KAZN: variants seen among roughly 807,000 people sequenced by gnomAD.
KAZN encodes kazrin, periplakin interacting protein.
Under a neutral mutation model 87.4 loss-of-function variants are expected in KAZN, and 40 were observed. The ratio of observed to expected loss-of-function variants is 0.46; its 90% CI spans 0.36 to 0.60. The LOEUF is 0.60. KAZN is among the 20% of genes least tolerant of loss of function. The pLI, the probability that KAZN is intolerant of heterozygous loss-of-function variation, is 0.00. For missense variants in KAZN, 898 were observed against 1,073.9 expected, an observed-to-expected ratio of 0.84 and a Z score of 2.29; for synonymous variants, 466 against 458.3, an observed-to-expected ratio of 1.02 and a Z score of -0.22.
At chr1:14,629,877 A>T (rs1476233931) in intron 1 of KAZN, among the ~76,000 whole-genome samples, 1 of 152,178 alleles carries the variant, frequency 6.6e-6, no homozygotes, top group Non-Finnish European at 1.5e-5. Context: ...AAAACCCGGC[A>T]GCCTGCTGGT....
At position 15,066,010 on chromosome 1, in the gene KAZN, C is replaced by T. The variant is rs1639199121; in HGVS notation, c.1222+257C>T. 18 of 1,309,560 alleles carry T rather than the reference C, an allele frequency of 1.4e-5. No homozygotes were observed. Among genetic ancestry groups the T allele is most frequent in the Non-Finnish European group, 1.6e-5 (17 of 1,032,308 alleles). The allele number at this position is 1,309,560 out of a possible 1,614,324, so 81.1% of individuals were successfully genotyped here. ...CGTCGCCACCTCTGTAATTGATGTA[C>T]ATACCGCAAACCGTGTGTGAACCTG... is the stretch of plus-strand genomic sequence containing the variant. On this transcript the variant is annotated intron_variant, in intron 8 of 14. Coordinates refer to ENST00000376030, the MANE Select transcript of KAZN (RefSeq NM_201628.3). This position sits in a 1 kb window ranked among gnomAD's most constrained non-coding sequence, Gnocchi z 4.3.
chr1:14,681,167 C>G (rs753482940), intron 1 of KAZN, among the ~76,000 whole-genome samples: 1 of 152,206 alleles, frequency 6.6e-6, no homozygotes, highest in Non-Finnish European at 1.5e-5. Context: ...TCCCACCAGG[C>G]CCCACTTCCA....
intron 1 of KAZN, among the ~76,000 whole-genome samples, chr1:14,070,759 A>C (rs1474711500): frequency 6.6e-6 from 1 of 152,222 alleles, no homozygotes; most frequent in Non-Finnish European, 1.5e-5. Context: ...CCATCTTCCC[A>C]GAGCTGCCAG....
chr1:14,109,576 G>C (rs916847681), intron 1 of KAZN, among the ~76,000 whole-genome samples: 6 of 152,116 alleles, frequency 3.9e-5, no homozygotes, highest in African/African-American at 1.4e-4. Context: ...TGTCCTTTCT[G>C]CTATGTCAAG....
intron 1 of KAZN, among the ~76,000 whole-genome samples, chr1:14,752,174 A>C (rs1347979750): frequency 6.6e-6 from 1 of 152,194 alleles, no homozygotes; most frequent in Non-Finnish European, 1.5e-5. Context: ...CTATTCATGA[A>C]GAATCTGCCC....
chr1:14,482,741 G>A (rs1669149127), intron 2 of KAZN, among the ~76,000 whole-genome samples: 1 of 152,052 alleles, frequency 6.6e-6, no homozygotes, highest in African/African-American at 2.4e-5. Flanking sequence ...CCAGCATATG[G>A]CAGGAACTTC....
chr1:14,091,695 G>A (rs754128330), intron 1 of KAZN, among the ~76,000 whole-genome samples: 6 of 152,094 alleles, frequency 3.9e-5, no homozygotes, highest in African/African-American at 4.8e-5. Context: ...GGGGGCCTAT[G>A]GGTTTGTTAA....
chr1:15,026,711 G>A (rs1032418489), intron 2 of KAZN, among the ~76,000 whole-genome samples: 5 of 83,234 alleles, frequency 6.0e-5, no homozygotes, highest in African/African-American at 5.7e-5. Context: ...ACCAAGGATC[G>A]AAAATAATTT....
chr1:14,838,983 A>T (rs1216296199), intron 1 of KAZN, among the ~76,000 whole-genome samples: 2 of 152,172 alleles, frequency 1.3e-5, no homozygotes, highest in African/African-American at 4.8e-5. Context: ...AAAAGAGAGA[A>T]GGGCAAGCAG....
At chr1:13,971,622 T>C (rs1343444867) in intron 1 of KAZN, among the ~76,000 whole-genome samples, 1 of 152,012 alleles carries the variant, frequency 6.6e-6, no homozygotes, top group Non-Finnish European at 1.5e-5. Flanking sequence ...GTTGTTGTTG[T>C]TGTATCTGGG....
chr1:14,112,776 G>C (rs915369582), intron 1 of KAZN, among the ~76,000 whole-genome samples: 1 of 152,194 alleles, frequency 6.6e-6, no homozygotes, highest in South Asian at 2.1e-4. Flanking sequence ...TAGGCTGGCT[G>C]TGCTTCTTGT....
chr1:14,568,301 C>A (rs190253047), intron 2 of KAZN, among the ~76,000 whole-genome samples: 1 of 152,158 alleles, frequency 6.6e-6, no homozygotes, highest in Admixed American at 6.5e-5. Flanking sequence ...CCAACAATCA[C>A]GTCAGCTTGA....
intron 2 of KAZN, among the ~76,000 whole-genome samples, chr1:14,498,710 TAAAG>T (rs751830174): frequency 5.3e-5 from 8 of 150,788 alleles, no homozygotes; most frequent in Non-Finnish European, 1.0e-4. Context: ...AAAAATAAAA[TAAAG>T]GAAAAAGAAA....
At chr1:15,016,495 A>G (rs958806467) in intron 2 of KAZN, among the ~76,000 whole-genome samples, 10 of 152,094 alleles carry the variant, frequency 6.6e-5, no homozygotes, top group African/African-American at 1.9e-4. Context: ...CATGTTGGCT[A>G]GGCTGGTCTC....
intron 2 of KAZN, among the ~76,000 whole-genome samples, chr1:14,962,735 G>A (rs1290552454): frequency 6.6e-6 from 1 of 152,090 alleles, no homozygotes; most frequent in Non-Finnish European, 1.5e-5. Flanking sequence ...GGACAGAGAC[G>A]CCAACCTCCA....
chr1:14,435,347 A>T (rs1487797080), intron 2 of KAZN, among the ~76,000 whole-genome samples: 3 of 152,154 alleles, frequency 2.0e-5, no homozygotes, highest in Admixed American at 2.0e-4. Context: ...GCTCTCCTTC[A>T]GCCACACATA....
intron 1 of KAZN, among the ~76,000 whole-genome samples, chr1:14,067,408 A>G (rs1323792210): frequency 6.6e-6 from 1 of 152,220 alleles, no homozygotes; most frequent in Non-Finnish European, 1.5e-5. Context: ...AAGTTATTTC[A>G]TGATGTTGCC....
chr1:14,659,980 G>A (rs1463184840), intron 1 of KAZN, among the ~76,000 whole-genome samples: 7 of 151,962 alleles, frequency 4.6e-5, no homozygotes, highest in Non-Finnish European at 7.4e-5. Context: ...CCAACTGAAG[G>A]GATGAAAGGG....
At chr1:14,755,895 G>T (rs1644550647) in intron 1 of KAZN, among the ~76,000 whole-genome samples, 1 of 152,226 alleles carries the variant, frequency 6.6e-6, no homozygotes, top group Non-Finnish European at 1.5e-5. Flanking sequence ...ACTGGAAGCA[G>T]ATGCCTTGAA....
Sources: allele counts gnomAD v4.1 joint callset (sites outside exome capture counted in the v4.1 genomes callset), GRCh38; gene constraint gnomAD v4.1.1; non-coding constraint Gnocchi (gnomAD v3.1); transcripts MANE v1.5; gene names NCBI Gene and HGNC (gene_info 2026-07-23, HGNC 2026-07-21).